HEMK2: variants seen among roughly 807,000 people sequenced by gnomAD.
The protein encoded by HEMK2 is methyltransferase HEMK2.
At chr21:28,702,469 A>T in the HEMK2 span, among the ~76,000 whole-genome samples, 1 of 152,168 alleles carries the variant, frequency 6.6e-6, no homozygotes, top group African/African-American at 2.4e-5. Flanking sequence ...TAAGCATAAA[A>T]CATACAACCC....
At chr21:28,825,327 T>C in the HEMK2 span, among the ~76,000 whole-genome samples, 1 of 152,226 alleles carries the variant, frequency 6.6e-6, no homozygotes, top group African/African-American at 2.4e-5. Flanking sequence ...TCCCATGTAA[T>C]GCTGATGCTG....
chr21:28,723,659 T>C, the HEMK2 span, among the ~76,000 whole-genome samples: 1 of 152,192 alleles, frequency 6.6e-6, no homozygotes, highest in Non-Finnish European at 1.5e-5. Context: ...TTGGAGCTTG[T>C]TTCTTCATCA....
the HEMK2 span, among the ~76,000 whole-genome samples, chr21:28,877,362 A>G: frequency 1.7e-4 from 26 of 148,890 alleles, no homozygotes; most frequent in Non-Finnish European, 3.1e-4. Context: ...AAAAAAAGAA[A>G]GAAGAGAAGG....
chr21:28,879,351 T>A, the HEMK2 span, among the ~76,000 whole-genome samples: 4 of 152,294 alleles, frequency 2.6e-5, no homozygotes, highest in African/African-American at 9.6e-5. Flanking sequence ...AACGCCATTC[T>A]CCTGCCTCAG....
chr21:28,775,490 C>T, the HEMK2 span, among the ~76,000 whole-genome samples: 1 of 152,058 alleles, frequency 6.6e-6, no homozygotes, highest in African/African-American at 2.4e-5. Flanking sequence ...GTAAAAGTAT[C>T]ACTATGTAAA....
the HEMK2 span, among the ~76,000 whole-genome samples, chr21:28,807,956 T>C: frequency 3.3e-5 from 5 of 152,190 alleles, no homozygotes; most frequent in Non-Finnish European, 2.9e-5. Flanking sequence ...AGAATGAATT[T>C]CCATCAGCTG....
chr21:28,639,990 T>G, the HEMK2 span, among the ~76,000 whole-genome samples: 1 of 151,934 alleles, frequency 6.6e-6, no homozygotes, highest in Non-Finnish European at 1.5e-5. Flanking sequence ...AAAGGCTGAG[T>G]TGTAATCCTG....
At chr21:28,824,841 AT>A in the HEMK2 span, among the ~76,000 whole-genome samples, 1 of 151,998 alleles carries the variant, frequency 6.6e-6, no homozygotes, top group Non-Finnish European at 1.5e-5. Context: ...CTATTTCTCC[AT>A]TTTTCTGTCT....
At chr21:28,885,367 C>A in the HEMK2 span, 1,034 of 1,527,400 alleles carry the variant, frequency 6.8e-4, 4 homozygotes, top group Middle Eastern at 9.6e-3. Flanking sequence ...GCGTTCCATG[C>A]GCGTGCGCAG....
At chr21:28,808,746 T>C in the HEMK2 span, among the ~76,000 whole-genome samples, 9 of 152,192 alleles carry the variant, frequency 5.9e-5, no homozygotes, top group Admixed American at 1.3e-4. Flanking sequence ...AATTCACTTA[T>C]GAGTTCTAGT....
At chr21:28,818,794 G>C in the HEMK2 span, among the ~76,000 whole-genome samples, 1 of 152,160 alleles carries the variant, frequency 6.6e-6, no homozygotes, top group African/African-American at 2.4e-5. Context: ...ACCACATTGA[G>C]GCAAAGAACT....
At chr21:28,628,455 G>T in the HEMK2 span, among the ~76,000 whole-genome samples, 4 of 152,010 alleles carry the variant, frequency 2.6e-5, no homozygotes. Flanking sequence ...TTCTGCAAAG[G>T]TTTTCTTTTT....
At chr21:28,614,887 T>C in the HEMK2 span, among the ~76,000 whole-genome samples, 1 of 152,224 alleles carries the variant, frequency 6.6e-6, no homozygotes, top group Admixed American at 6.5e-5. Flanking sequence ...TTGAGTGATA[T>C]TTTTCAATCT....
the HEMK2 span, among the ~76,000 whole-genome samples, chr21:28,693,516 T>A: frequency 6.6e-6 from 1 of 152,230 alleles, no homozygotes; most frequent in Admixed American, 6.5e-5. Flanking sequence ...AGGTTGTACA[T>A]GTATTTCTTA....
At chr21:28,576,085 C>G in the HEMK2 span, among the ~76,000 whole-genome samples, 1 of 152,104 alleles carries the variant, frequency 6.6e-6, no homozygotes, top group Non-Finnish European at 1.5e-5. Flanking sequence ...TATATGTTTT[C>G]ATTGCTCTAA....
At chr21:28,802,860 TGA>T in the HEMK2 span, among the ~76,000 whole-genome samples, 1 of 152,230 alleles carries the variant, frequency 6.6e-6, no homozygotes, top group Non-Finnish European at 1.5e-5. Context: ...AATAAATAAA[TGA>T]GTCTTATGAC....
At chr21:28,857,020 A>C in the HEMK2 span, among the ~76,000 whole-genome samples, 1 of 152,178 alleles carries the variant, frequency 6.6e-6, no homozygotes, top group African/African-American at 2.4e-5. Flanking sequence ...ACAGCACCTC[A>C]CAAGTTAAGA....
chr21:28,864,913 T>TATAGATAAATAGATAG, the HEMK2 span, among the ~76,000 whole-genome samples: 10 of 144,088 alleles, frequency 6.9e-5, no homozygotes, highest in Non-Finnish European at 1.2e-4. Flanking sequence ...AGATAGATGA[T>TATAGATAAATAGATAG]ATAGATAGAT....
At chr21:28,693,656 T>C in the HEMK2 span, among the ~76,000 whole-genome samples, 1 of 152,236 alleles carries the variant, frequency 6.6e-6, no homozygotes, top group African/African-American at 2.4e-5. Flanking sequence ...CATCATTTTG[T>C]ATTCATAGAA....
Sources: gnomAD v4.1 joint callset for allele counts (sites outside exome capture counted in the v4.1 genomes callset) on GRCh38, gnomAD v4.1.1 for gene constraint, MANE v1.5 for transcripts, NCBI Gene and HGNC (gene_info 2026-07-23, HGNC 2026-07-21) for gene names.